SEC14L1: variants seen among roughly 807,000 people sequenced by gnomAD.
SEC14L1 encodes the protein SEC14 like lipid binding 1.
Under a neutral mutation model 85.3 loss-of-function variants are expected in SEC14L1, and 48 were observed. The ratio of observed to expected loss-of-function variants is 0.56; its 90% CI spans 0.45 to 0.72. SEC14L1 has a LOEUF of 0.72. Ranked by LOEUF, SEC14L1 falls within the 30% of genes least tolerant of loss-of-function variation. SEC14L1 has a pLI of 0.00. For missense variants in SEC14L1, 682 were observed against 921.4 expected (o/e 0.74, Z 3.36); for synonymous variants, 391 against 355.5 (o/e 1.10, Z -1.12).
intron 3 of SEC14L1, among the ~76,000 whole-genome samples, chr17:77,159,436 A>G (rs962910185): frequency 2.7e-4 from 39 of 143,378 alleles, no homozygotes; most frequent in Non-Finnish European, 5.1e-4. Flanking sequence ...GCTGGAGTGC[A>G]GTGGTGCGAT....
intron 3 of SEC14L1, among the ~76,000 whole-genome samples, chr17:77,110,808 C>T (rs745591232): frequency 7.0e-5 from 10 of 143,222 alleles, no homozygotes; most frequent in African/African-American, 2.1e-4. Flanking sequence ...GGTGTGAACC[C>T]GGGAGTTTGC....
chr17:77,194,888 A>G lies in SEC14L1; in HGVS notation c.686A>G (p.Glu229Gly), dbSNP rs775649855. The change falls in exon 7 of 17, where the codon GAG (glutamate) becomes GGG (glycine). Residue 229 changes from glutamate to glycine, a missense_variant. Coordinates refer to ENST00000436233, the MANE Select transcript of SEC14L1 (RefSeq NM_001143998.2). Reference sequence around the variant, plus strand: ...GCCCTCAGCAGCCCCAGCGCACCTGAGCCCGTGGTGGGCACCCCTGACGGT... The same window carrying G: ...GCCCTCAGCAGCCCCAGCGCACCTGGGCCCGTGGTGGGCACCCCTGACGGT... The part of the protein sequence containing the change: ...GDALSSPSAP[E>G]PVVGTPDDKL... 1 of 1,614,064 alleles carries G rather than the reference A, an allele frequency of 6.2e-7. No individual in the cohort carries two copies. The highest frequency in any genetic ancestry group is 1.1e-5 in the South Asian group (1 of 91,082).
Position 77,188,412 on chromosome 17 carries a change from CTT to C in SEC14L1, c.64-2378_64-2377del, listed in dbSNP as rs10706544. ...ATCATACCGTATGTAACTGCTGAGG[CTT>C]TTTTTTTTTTTTAGCTTAGCATAAT... is the stretch of plus-strand genomic sequence containing the variant. On this transcript the variant is annotated intron_variant, in intron 3 of 16. Transcript: ENST00000436233. Among the ~76,000 whole-genome samples, 1,140 of 142,736 alleles carry C rather than the reference CTT, an allele frequency of 8.0e-3. 3 individuals are homozygous for C. The highest frequency in any genetic ancestry group is 0.014 in the Middle Eastern group (4 of 276). The allele number at this position is 142,736 out of a possible 152,430, so 93.6% of individuals were successfully genotyped here. A position where few individuals can be genotyped will look rare whatever the true frequency, so the allele number is the denominator to read the frequency against.
At chr17:77,195,786 T>C (rs1180814958) in intron 7 of SEC14L1, among the ~76,000 whole-genome samples, 4 of 152,150 alleles carry the variant, frequency 2.6e-5, no homozygotes, top group Admixed American at 6.5e-5. Flanking sequence ...CCAGATTTCT[T>C]ACATTCTCCA....
rs1407636157 is a variant in SEC14L1, at chr17:77,206,882, A to G, written c.1476+20A>G. 5.3e-6 allele frequency: 8 copies of G among 1,515,096 alleles called. No individual in the cohort carries two copies. Among genetic ancestry groups the G allele is most frequent in the Non-Finnish European group, 7.1e-6 (8 of 1,131,606 alleles). The allele number at this position is 1,515,096 out of a possible 1,614,324, so 93.9% of individuals were successfully genotyped here. On this transcript the variant is annotated intron_variant, in intron 13 of 16. Coordinates refer to ENST00000436233, the MANE Select transcript of SEC14L1 (RefSeq NM_001143998.2). The surrounding 1 kb of genome is among the most constrained non-coding windows in gnomAD (Gnocchi z 4.3). ...TGCATGGTATGTCCTGAGGCGAGGA[A>G]CTGCACATTTGGCCCCTTATGCAGG...
chr17:77,113,702 C>T (rs942729757), intron 3 of SEC14L1, among the ~76,000 whole-genome samples: 3 of 152,024 alleles, frequency 2.0e-5, no homozygotes, highest in African/African-American at 7.2e-5. Flanking sequence ...GCCGAAATTG[C>T]GCCACTGCAC....
At chr17:77,162,713 G>T (rs998164226) in intron 3 of SEC14L1, among the ~76,000 whole-genome samples, 4 of 151,750 alleles carry the variant, frequency 2.6e-5, no homozygotes, top group Non-Finnish European at 5.9e-5. Context: ...GCCTGTAATC[G>T]CAGCTACTCG....
Position 77,215,281 on chromosome 17 carries a change from A to T in SEC14L1, c.*1258A>T. 2 of 985,410 alleles carry T rather than the reference A, an allele frequency of 2.0e-6. No homozygotes were observed. The highest frequency in any genetic ancestry group is 2.4e-6 in the Non-Finnish European group (2 of 829,938). 61.0% of individuals were successfully genotyped at this position (985,410 alleles called of 1,614,324 possible). On this transcript the variant is annotated 3_prime_UTR_variant, in exon 17 of 17. Transcript: ENST00000436233. ...CTTATTTTTTCAGCTTTTTATGGGA[A>T]AAGCAGGTTATTTGAGAATCTGTCC... is the stretch of plus-strand genomic sequence containing the variant.
chr17:77,190,155 A>G (rs1030500249), intron 3 of SEC14L1, among the ~76,000 whole-genome samples: 1 of 152,144 alleles, frequency 6.6e-6, no homozygotes, highest in Admixed American at 6.5e-5. Context: ...GTTTAGATCA[A>G]GATTCATTGT....
At chr17:77,155,846 C>T (rs1973789121) in intron 3 of SEC14L1, among the ~76,000 whole-genome samples, 1 of 152,180 alleles carries the variant, frequency 6.6e-6, no homozygotes, top group Non-Finnish European at 1.5e-5. Flanking sequence ...TCAGCCTCAG[C>T]TGGGATTACA....
At chr17:77,186,058 T>G (rs899755644) in intron 3 of SEC14L1, among the ~76,000 whole-genome samples, 2 of 152,222 alleles carry the variant, frequency 1.3e-5, no homozygotes, top group Non-Finnish European at 2.9e-5. Flanking sequence ...CTACCACATG[T>G]GGGTTTTGCA....
intron 3 of SEC14L1, chr17:77,129,965 G>C (rs746364718): frequency 6.6e-6 from 1 of 152,188 alleles, no homozygotes; most frequent in Non-Finnish European, 1.5e-5. Context: ...CCAAGCAGCT[G>C]CATCAGTCGG....
chr17:77,105,532 C>G (rs1022645287), intron 3 of SEC14L1, among the ~76,000 whole-genome samples: 2 of 151,962 alleles, frequency 1.3e-5, no homozygotes, highest in African/African-American at 4.8e-5. Context: ...GATTAACCTC[C>G]GAAAGATTAA....
chr17:77,140,909 G>A (rs1458729525), upstream of SEC14L1: 5 of 142,348 alleles, frequency 3.5e-5, no homozygotes, highest in African/African-American at 1.0e-4. Context: ...CCGGCGCCCG[G>A]CCCCGCCCAC....
chr17:77,088,871 T>C (rs909966507), exon 1 of SEC14L1: 1 of 155,668 alleles, frequency 6.4e-6, no homozygotes, highest in East Asian at 1.9e-4. Context: ...CTGGAGGCAC[T>C]GACCGGGTGA....
Position 77,203,647 on chromosome 17 carries a change from C to G in SEC14L1, c.1087C>G (p.Leu363Val). Residue 363 changes from leucine to valine, a missense_variant, in exon 10 of 17, where the codon CTG (leucine) becomes GTG (valine). Physicochemically the swap from Leu to Val is conservative, Grantham distance 32 (BLOSUM62 1). Around this residue, in one of 3 missense-constraint regions of SEC14L1, gnomAD observed 420 missense variants for 619.5 expected, o/e 0.68. Coordinates refer to ENST00000436233, the MANE Select transcript of SEC14L1 (RefSeq NM_001143998.2). The part of the protein sequence containing the change: ...GLVRALGEEA[L>V]LRYVLSINEE... ...GGTGAGAGCGCTCGGGGAGGAAGCC[C>G]TGCTGAGATACGTAAGTGCGCGGCT... 6.2e-7 allele frequency: 1 copy of G among 1,613,258 alleles called. No individual in the cohort carries two copies.
At chr17:77,109,667 C>A (rs1427522297) in intron 3 of SEC14L1, among the ~76,000 whole-genome samples, 2 of 152,294 alleles carry the variant, frequency 1.3e-5, no homozygotes, top group African/African-American at 4.8e-5. Flanking sequence ...AGAGAACGAA[C>A]TGAAACTAAC....
At chr17:77,166,323 A>G (rs1475173590) in intron 3 of SEC14L1, among the ~76,000 whole-genome samples, 1 of 152,196 alleles carries the variant, frequency 6.6e-6, no homozygotes, top group Non-Finnish European at 1.5e-5. Flanking sequence ...GTTGAAGATG[A>G]TGAAGAAATT....
intron 3 of SEC14L1, among the ~76,000 whole-genome samples, chr17:77,189,281 C>A (rs767279988): frequency 1.1e-4 from 17 of 152,166 alleles, no homozygotes; most frequent in Admixed American, 8.5e-4. Context: ...TTCAGAGTGA[C>A]TTCCCTTGTA....
Sources: gnomAD v4.1 joint callset for allele counts (sites outside exome capture counted in the v4.1 genomes callset) on GRCh38, gnomAD v4.1.1 for gene constraint, gnomAD v4.1.1 regional missense constraint, Gnocchi (gnomAD v3.1) non-coding constraint, MANE v1.5 for transcripts, NCBI Gene and HGNC (gene_info 2026-07-23, HGNC 2026-07-21) for gene names.